The following PREX1 variants were observed in gnomAD, a reference collection of about 807,000 sequenced individuals.
PREX1 encodes phosphatidylinositol-3,4,5-trisphosphate dependent Rac exchange factor 1.
PREX1 carries 41 observed loss-of-function variants against 198.3 expected under a neutral mutation model. The ratio of observed to expected loss-of-function variants is 0.21; its 90% CI spans 0.16 to 0.27. The LOEUF (loss-of-function observed/expected upper bound fraction) is 0.27. Ranked by LOEUF, PREX1 falls within the 10% of genes least tolerant of loss-of-function variation. PREX1 has a pLI of 1.00. For synonymous variants in PREX1, 843 were observed against 887.2 expected, an observed-to-expected ratio of 0.95 and a Z score of 0.89; for missense variants, 1,620 against 2,200.7, an observed-to-expected ratio of 0.74 and a Z score of 5.28.
intron 1 of PREX1, among the ~76,000 whole-genome samples, chr20:48,781,954 C>T (rs1460768912): frequency 6.6e-6 from 1 of 152,206 alleles, no homozygotes; most frequent in East Asian, 1.9e-4. Flanking sequence ...TGGAGGCCCA[C>T]AGATTTTAAA....
intron 1 of PREX1, among the ~76,000 whole-genome samples, chr20:48,762,701 CTTTTTTTTTT>C (rs397816054): frequency 7.8e-6 from 1 of 128,102 alleles, no homozygotes; most frequent in South Asian, 2.5e-4. Context: ...TATGAAGTTT[CTTTTTTTTTT>C]TTTTTTTTTG....
chr20:48,665,315 T>C (rs9679994), intron 15 of PREX1, among the ~76,000 whole-genome samples: 37,837 of 135,668 alleles, frequency 0.28, 5,143 homozygotes, highest in South Asian at 0.44. Flanking sequence ...ATTCTAATCC[T>C]GGTTCCAGAC....
chr20:48,865,043 G>T, the PREX1 span, among the ~76,000 whole-genome samples: 1 of 152,028 alleles, frequency 6.6e-6, no homozygotes, highest in Non-Finnish European at 1.5e-5. Flanking sequence ...GGTTGGGGGG[G>T]GTCTTACCCA....
At chr20:48,665,344 G>A (rs560420444) in intron 15 of PREX1, among the ~76,000 whole-genome samples, 25 of 149,044 alleles carry the variant, frequency 1.7e-4, no homozygotes, top group Non-Finnish European at 2.4e-4. Context: ...TTCTAATCCC[G>A]ACTCCAGACG....
At chr20:48,644,251 CTTG>C (rs1680361814) in intron 27 of PREX1, among the ~76,000 whole-genome samples, 155 bp downstream of exon 27, 1 of 152,202 alleles carries the variant, frequency 6.6e-6, no homozygotes, top group South Asian at 2.1e-4. Context: ...TCAAGAAATA[CTTG>C]TTGAATGACT....
chr20:48,665,698 G>A (rs2089634556), intron 15 of PREX1, among the ~76,000 whole-genome samples: 6 of 152,190 alleles, frequency 3.9e-5, no homozygotes, highest in Admixed American at 2.6e-4. Flanking sequence ...CAGGCACACT[G>A]AACACTAACT....
intron 6 of PREX1, among the ~76,000 whole-genome samples, chr20:48,703,088 ATTCT>A (rs2123073083): frequency 6.6e-6 from 1 of 152,318 alleles, no homozygotes; most frequent in Admixed American, 6.5e-5. Context: ...TGCTGACTGA[ATTCT>A]TTCTGAGACC....
At chr20:48,759,767 T>G (rs2090171193) in intron 1 of PREX1, among the ~76,000 whole-genome samples, 1 of 151,932 alleles carries the variant, frequency 6.6e-6, no homozygotes, top group Non-Finnish European at 1.5e-5. Flanking sequence ...AACAAGCACT[T>G]GAATGGTCCC....
chr20:48,884,143 A>AAC, the PREX1 span, among the ~76,000 whole-genome samples: 3 of 151,890 alleles, frequency 2.0e-5, no homozygotes, highest in African/African-American at 7.3e-5. Flanking sequence ...CGTCTAAAAA[A>AAC]AAAAAAAAAA....
Position 48,726,618 on chromosome 20 carries a change from T to C in PREX1, c.520-227A>G, listed in dbSNP as rs2090011560. 2.0e-5 allele frequency among the ~76,000 whole-genome samples: 3 copies of C among 152,236 alleles called. No individual in the cohort carries two copies. The South Asian group carries it at 6.2e-4, about 32-fold the overall frequency. On this transcript the variant is annotated intron_variant, in intron 4 of 39. Transcript: ENST00000371941. ...AAGTTTTATTAGAAACACAGCCACA[T>C]CCATCACATTGGCTGTGGCCCCCTA... is the stretch of plus-strand genomic sequence containing the variant.
At chr20:48,759,870 C>T (rs113540052) in intron 1 of PREX1, among the ~76,000 whole-genome samples, 5,221 of 152,090 alleles carry the variant, frequency 0.034, 157 homozygotes, top group African/African-American at 0.078. Context: ...TGTGGGAGGC[C>T]GAGGCAGGCT....
intron 7 of PREX1, among the ~76,000 whole-genome samples, chr20:48,698,768 G>A (rs558734990): frequency 2.6e-5 from 4 of 152,296 alleles, no homozygotes; most frequent in African/African-American, 4.8e-5. Flanking sequence ...GTACCTGTGC[G>A]ACCACACCAG....
Position 48,626,934 on chromosome 20 carries a change from T to C in PREX1, c.4937+614A>G, listed in dbSNP as rs930277742. 2.0e-5 allele frequency among the ~76,000 whole-genome samples: 3 copies of C among 152,270 alleles called. No individual in the cohort carries two copies. In the East Asian group the frequency reaches 5.8e-4, roughly 29 times the overall value. ...ACGTCATGATCCTAAAGGGCCTACATGTGGCACCAAGAGGAAGACTGAAAA... is the reference window on the plus strand; with the variant it reads ...ACGTCATGATCCTAAAGGGCCTACACGTGGCACCAAGAGGAAGACTGAAAA... On this transcript the variant is annotated intron_variant, in intron 39 of 39. Transcript: ENST00000371941.
At chr20:48,653,094 C>T (rs1165580220) in intron 20 of PREX1, among the ~76,000 whole-genome samples, 1 of 152,202 alleles carries the variant, frequency 6.6e-6, no homozygotes, top group Non-Finnish European at 1.5e-5. Context: ...CCCAACATGC[C>T]TATGTGGTGA....
intron 20 of PREX1, among the ~76,000 whole-genome samples, chr20:48,653,007 G>A (rs1307351263): frequency 6.6e-6 from 1 of 152,180 alleles, no homozygotes; most frequent in Non-Finnish European, 1.5e-5. Context: ...CAATCAATGA[G>A]GGAATCTCGC....
intron 10 of PREX1, among the ~76,000 whole-genome samples, chr20:48,685,411 T>C (rs1298876730): frequency 1.3e-5 from 2 of 152,274 alleles, no homozygotes; most frequent in African/African-American, 4.8e-5. Flanking sequence ...GCACAGCCAG[T>C]ACGATTCCCA....
chr20:48,747,481 T>C (rs1703003082), intron 2 of PREX1, among the ~76,000 whole-genome samples: 1 of 152,062 alleles, frequency 6.6e-6, no homozygotes, highest in South Asian at 2.1e-4. Context: ...TGGGAGAGGA[T>C]TTTCCACTGG....
intron 18 of PREX1, among the ~76,000 whole-genome samples, chr20:48,656,163 G>A (rs539519150): frequency 3.8e-3 from 573 of 152,232 alleles, no homozygotes; most frequent in African/African-American, 0.013. Context: ...CCTGTCAAGA[G>A]AAGATCTGTG....
chr20:48,803,718 CCT>C (rs2090397768), intron 1 of PREX1, among the ~76,000 whole-genome samples: 8 of 145,130 alleles, frequency 5.5e-5, no homozygotes, highest in South Asian at 2.2e-4. Flanking sequence ...GCAGCCGGCA[CCT>C]CACCCCATCT....
Sources: gnomAD v4.1 joint callset for allele counts (sites outside exome capture counted in the v4.1 genomes callset) on GRCh38, gnomAD v4.1.1 for gene constraint, MANE v1.5 for transcripts, NCBI Gene and HGNC (gene_info 2026-07-23, HGNC 2026-07-21) for gene names.